Variants in SPHK2 observed in about 807,000 individuals in gnomAD.
SPHK2 encodes the protein sphingosine kinase 2.
SPHK2 carries 18 observed loss-of-function variants against 32.3 expected under a neutral mutation model. That is an observed-to-expected ratio of 0.56 (90% CI 0.39 to 0.83). The LOEUF (loss-of-function observed/expected upper bound fraction) is 0.83. SPHK2 is among the 40% of genes least tolerant of loss of function. The pLI, the probability that SPHK2 is intolerant of heterozygous loss-of-function variation, is 0.00. For missense variants in SPHK2, 850 were observed against 908.7 expected (o/e 0.94, Z 0.83); for synonymous variants, 462 against 417.6 (o/e 1.11, Z -1.30).
intron 3 of SPHK2, 115 bp downstream of exon 3, chr19:48,626,477 G>A: frequency 7.6e-7 from 1 of 1,318,124 alleles, no homozygotes; most frequent in Non-Finnish European, 1.0e-6. Context: ...TATCTCTCTG[G>A]ATCCGTTAGG....
Position 48,629,025 on chromosome 19 carries a change from A to C in SPHK2, c.1217A>C (p.Asp406Ala), listed in dbSNP as rs767860694. ...AAGTCGGAGCTGACCCTAACCCCAGACCCAGCCCCGCCCATGGCCCACTCA... is the reference window on the plus strand; with the variant it reads ...AAGTCGGAGCTGACCCTAACCCCAGCCCCAGCCCCGCCCATGGCCCACTCA... ...RAKSELTLTP[D>A]PAPPMAHSPL... Residue 406 changes from aspartate (D) to alanine (A), a missense_variant, in exon 7 of 7, where the codon GAC (aspartate) becomes GCC (alanine). Physicochemically the swap from Asp to Ala is moderately radical, Grantham distance 126. Around this residue, in one of 2 missense-constraint regions of SPHK2, gnomAD observed 544 missense variants for 640.0 expected, o/e 0.85. Transcript: ENST00000245222. 13 of 1,612,428 alleles carry C rather than the reference A, an allele frequency of 8.1e-6. No individual in the cohort carries two copies. The Admixed American group carries it at 1.2e-4, about 14-fold the overall frequency.
chr19:48,620,616 T>A, intron 2 of SPHK2, 63 bp downstream of exon 2: 1 of 1,304,212 alleles, frequency 7.7e-7, no homozygotes, highest in Non-Finnish European at 1.0e-6. Flanking sequence ...GAAGCTTTTC[T>A]TTAAAAAAAA....
At position 48,627,925 on chromosome 19, in the gene SPHK2, A is replaced by G. The variant is rs748511496; in HGVS notation, c.662-50A>G. ...AGTGGTGGGTGGGACTCCTGGGTCT[A>G]TGGGGCTGGGGTGGGACAGCCTGCC... On this transcript the variant is annotated intron_variant, in intron 4 of 6. Coordinates refer to ENST00000245222, the MANE Select transcript of SPHK2 (RefSeq NM_020126.5). 12 of 1,567,114 alleles carry G rather than the reference A, an allele frequency of 7.7e-6. No individual in the cohort carries two copies. In the East Asian group the frequency reaches 1.8e-4, roughly 24 times the overall value.
chr19:48,624,980 G>A, intron 2 of SPHK2: 2 of 987,614 alleles, frequency 2.0e-6, no homozygotes, highest in Non-Finnish European at 2.4e-6. Context: ...AAAGGAGGAG[G>A]CAGAATCCGG....
Position 48,628,940 on chromosome 19 carries a change from T to C in SPHK2, c.1132T>C (p.Tyr378His), listed in dbSNP as rs760555777. 2 of 1,613,328 alleles carry C rather than the reference T, an allele frequency of 1.2e-6. No homozygotes were observed. Among genetic ancestry groups the C allele is most frequent in the South Asian group, 1.1e-5 (1 of 91,074 alleles). ...GCACACCTACCGCGGACGCCTCTCCTACCTCCCCGCCACTGTGGAACCTGC... is the reference window on the plus strand; with the variant it reads ...GCACACCTACCGCGGACGCCTCTCCCACCTCCCCGCCACTGTGGAACCTGC... ...TLHTYRGRLS[Y>H]LPATVEPASP... The change falls in exon 7 of 7, where the codon TAC (tyrosine) becomes CAC (histidine). Residue 378 changes from tyrosine (Y) to histidine (H), a missense_variant. Tyr to His is a moderately conservative substitution (Grantham distance 83). Transcript: ENST00000245222. The surrounding 1 kb of genome is among the most constrained non-coding windows in gnomAD (Gnocchi z 5.2).
intron 2 of SPHK2, among the ~76,000 whole-genome samples, chr19:48,621,948 G>A (rs148758404): frequency 2.7e-4 from 41 of 152,260 alleles, no homozygotes; most frequent in South Asian, 2.5e-3. Flanking sequence ...AAAACAGGCA[G>A]TTAATTTTTA....
intron 3 of SPHK2, 190 bp downstream of exon 3, chr19:48,626,552 T>C: frequency 4.0e-6 from 3 of 742,064 alleles, no homozygotes; most frequent in South Asian, 4.7e-5. Context: ...TGGTGGCTCA[T>C]GTCTGTAATC....
chr19:48,625,880 C>T lies in SPHK2; in HGVS notation c.40-11C>T, dbSNP rs768335935. On this transcript the variant is annotated splice_polypyrimidine_tract_variant and intron_variant, in intron 2 of 6. Transcript: ENST00000245222. ...CTGAATTCTCACCCCTTCTCTCCTC[C>T]CTTCCCACAGAGGCCAGACCAGGAG... The T allele has an allele frequency of 1.1e-5, 17 of 1,610,370 alleles. No individual in the cohort carries two copies. Among genetic ancestry groups the T allele is most frequent in the Non-Finnish European group, 1.4e-5 (16 of 1,179,614 alleles).
rs1244870838 is a variant in SPHK2 at position 48,629,464 on chromosome 19, C to T, written c.1656C>T (p.Asp552=). 6.2e-7 allele frequency: 1 copy of T among 1,608,728 alleles called. No individual in the cohort carries two copies. Among genetic ancestry groups the T allele is most frequent in the Non-Finnish European group, 8.5e-7 (1 of 1,178,660 alleles). Residue 552 remains aspartate, a synonymous_variant, in exon 7 of 7, where the codon GAC becomes GAT. Coordinates refer to ENST00000245222, the MANE Select transcript of SPHK2 (RefSeq NM_020126.5). ...LAISPSHLGA[D]LVAAPHARFD... ...TCTCGCCCAGCCACCTAGGCGCTGA[C>T]CTGGTGGCAGCTCCGCATGCGCGCT...
In SPHK2 at chr19:48,629,610, G is replaced by A. The variant is rs61751862; in HGVS notation, c.1802G>A (p.Gly601Asp). 4 of 1,598,462 alleles carry A rather than the reference G, an allele frequency of 2.5e-6. No individual in the cohort carries two copies. Residue 601 changes from glycine (G) to aspartate (D), a missense_variant, in exon 7 of 7, where the codon GGC (glycine) becomes GAC (aspartate). Gly to Asp is a moderately conservative substitution (Grantham distance 94). Coordinates refer to ENST00000245222, the MANE Select transcript of SPHK2 (RefSeq NM_020126.5). ...TTCAGCCTGGGCTGTCCGCAGCTGG[G>A]CTACGCCGCGGCCCGTGCCTTCCGC... ...SHFSLGCPQL[G>D]YAAARAFRLE...
At chr19:48,625,416 G>C (rs1974567413) in intron 2 of SPHK2, 2 of 1,178,616 alleles carry the variant, frequency 1.7e-6, no homozygotes, top group Non-Finnish European at 2.1e-6. Flanking sequence ...GGGTGTCGGG[G>C]AGGTGTGTCT....
chr19:48,625,146 C>G (rs1974555524), intron 2 of SPHK2: 1 of 1,005,046 alleles, frequency 9.9e-7, no homozygotes, highest in Non-Finnish European at 1.2e-6. Context: ...CTCTCGGACC[C>G]CGTAGTCCCT....
chr19:48,627,652 T>G, intron 3 of SPHK2, 40 bp from the exon 4 acceptor site: 1 of 1,525,740 alleles, frequency 6.6e-7, no homozygotes, highest in African/African-American at 1.4e-5. Context: ...GTGGGGGGCC[T>G]GGGTCACTGG....
chr19:48,626,470 C>A, intron 3 of SPHK2, 108 bp downstream of exon 3: 2 of 1,352,270 alleles, frequency 1.5e-6, no homozygotes, highest in South Asian at 1.5e-5. Context: ...GGTGATGTAT[C>A]TCTCTGGATC....
At chr19:48,621,261 T>G (rs374460649) in intron 2 of SPHK2, among the ~76,000 whole-genome samples, 13 of 152,286 alleles carry the variant, frequency 8.5e-5, no homozygotes, top group African/African-American at 3.1e-4. Context: ...GTATTTTTCA[T>G]AGAGATGAGG....
In SPHK2 at chr19:48,629,757, C is replaced by G; in HGVS notation, c.1949C>G (p.Pro650Arg). The change falls in exon 7 of 7, where the codon CCG (proline) becomes CGG (arginine). Residue 650 changes from proline (P) to arginine (R), a missense_variant. By Grantham distance (103) the Pro-to-Arg change is moderately radical. Transcript: ENST00000245222. Reference protein sequence around the residue: ...GTLLTGPPGCPGREP With the variant: ...GTLLTGPPGCRGREP ...CTGCTCACTGGGCCTCCTGGCTGCC[C>G]GGGGCGGGAGCCCTGAAACTAAACA... 1.9e-6 allele frequency: 3 copies of G among 1,577,966 alleles called. No homozygotes were observed. The highest frequency in any genetic ancestry group is 2.6e-6 in the Non-Finnish European group (3 of 1,158,610).
chr19:48,621,099 G>C (rs1974389432), intron 2 of SPHK2, among the ~76,000 whole-genome samples: 1 of 151,860 alleles, frequency 6.6e-6, no homozygotes, highest in Non-Finnish European at 1.5e-5. Flanking sequence ...TTTATTTTGA[G>C]GTGGAGTTTC....
Position 48,628,265 on chromosome 19 carries a change from A to G in SPHK2, c.860A>G (p.Asn287Ser). The change falls in exon 6 of 7, where the codon AAC (asparagine) becomes AGC (serine). Residue 287 changes from asparagine to serine, a missense_variant. By Grantham distance (46) the Asn-to-Ser change is conservative. Coordinates refer to ENST00000245222, the MANE Select transcript of SPHK2 (RefSeq NM_020126.5). This position sits in a 1 kb window ranked among gnomAD's most constrained non-coding sequence, Gnocchi z 5.2. ...GSGNALAGAV[N>S]QHGGFEPALG... ...GGCAACGCGCTGGCCGGAGCAGTGAACCAGCACGGGGGGTAGGTTGAGGAT... is the reference window on the plus strand; with the variant it reads ...GGCAACGCGCTGGCCGGAGCAGTGAGCCAGCACGGGGGGTAGGTTGAGGAT... 1 of 1,613,332 alleles carries G rather than the reference A, an allele frequency of 6.2e-7. No individual in the cohort carries two copies. The highest frequency in any genetic ancestry group is 8.5e-7 in the Non-Finnish European group (1 of 1,179,854).
chr19:48,626,466 G>A (rs1192643935), intron 3 of SPHK2, 104 bp downstream of exon 3: 6 of 1,366,270 alleles, frequency 4.4e-6, no homozygotes, highest in Non-Finnish European at 4.8e-6. Context: ...TCTGGGTGAT[G>A]TATCTCTCTG....
Sources: gnomAD v4.1 joint callset for allele counts (sites outside exome capture counted in the v4.1 genomes callset) on GRCh38, gnomAD v4.1.1 for gene constraint, gnomAD v4.1.1 regional missense constraint, Gnocchi (gnomAD v3.1) non-coding constraint, MANE v1.5 for transcripts, NCBI Gene and HGNC (gene_info 2026-07-23, HGNC 2026-07-21) for gene names.